Variants in WIPF1 observed in about 807,000 individuals in gnomAD.
The protein encoded by WIPF1 is WAS/WASL interacting protein family member 1.
In WIPF1, 13 loss-of-function variants were observed where a neutral mutation model predicts 35.4. The ratio of observed to expected loss-of-function variants is 0.37; its 90% CI spans 0.24 to 0.58. The LOEUF (loss-of-function observed/expected upper bound fraction) is 0.58, where lower values mean the gene tolerates loss of function less well. Ranked by LOEUF, WIPF1 falls within the 20% of genes least tolerant of loss-of-function variation. WIPF1 has a pLI of 0.74. For synonymous variants in WIPF1, 267 were observed against 266.3 expected, an observed-to-expected ratio of 1.00 and a Z score of -0.02; for missense variants, 591 against 667.0, an observed-to-expected ratio of 0.89 and a Z score of 1.25.
At chr2:174,666,338 G>A (rs981360035) in intron 1 of WIPF1, among the ~76,000 whole-genome samples, 1 of 152,170 alleles carries the variant, frequency 6.6e-6, no homozygotes, top group African/African-American at 2.4e-5. Flanking sequence ...CCAGCCCCAG[G>A]AATCTATACA....
intron 1 of WIPF1, among the ~76,000 whole-genome samples, chr2:174,594,467 G>T (rs1685731190): frequency 6.6e-6 from 1 of 152,188 alleles, no homozygotes; most frequent in South Asian, 2.1e-4. Flanking sequence ...GTGAGAAAAT[G>T]AAGGTGAGCT....
chr2:174,603,210 G>A (rs1686059452), intron 1 of WIPF1, among the ~76,000 whole-genome samples: 1 of 152,188 alleles, frequency 6.6e-6, no homozygotes, highest in African/African-American at 2.4e-5. Context: ...TGGTGTTGTT[G>A]GTTGAGCCCT....
At chr2:174,662,553 A>C (rs1271346075) in intron 1 of WIPF1, among the ~76,000 whole-genome samples, 1 of 152,268 alleles carries the variant, frequency 6.6e-6, no homozygotes, top group Non-Finnish European at 1.5e-5. Flanking sequence ...CCAACCAAGT[A>C]GAGCTAATCT....
chr2:174,625,658 A>G (rs1686809364), intron 1 of WIPF1: 1 of 152,206 alleles, frequency 6.6e-6, no homozygotes, highest in Non-Finnish European at 1.5e-5. Flanking sequence ...GGGAAAGATT[A>G]ATTCAAAACT....
At chr2:174,585,007 G>C (rs1040900774) in intron 2 of WIPF1, among the ~76,000 whole-genome samples, 1 of 152,314 alleles carries the variant, frequency 6.6e-6, no homozygotes, top group Admixed American at 6.5e-5. Context: ...GGATGTGAAT[G>C]TGTATGGCAG....
intron 1 of WIPF1, among the ~76,000 whole-genome samples, chr2:174,633,256 T>C (rs990628008): frequency 3.9e-5 from 6 of 152,236 alleles, no homozygotes; most frequent in Non-Finnish European, 8.8e-5. Flanking sequence ...TTCTCTTTCA[T>C]CACTGTTCTA....
At chr2:174,645,181 C>A (rs1326042638) in intron 1 of WIPF1, among the ~76,000 whole-genome samples, 1 of 152,058 alleles carries the variant, frequency 6.6e-6, no homozygotes, top group Non-Finnish European at 1.5e-5. Flanking sequence ...TTAAAAAAAT[C>A]AATTTAGCTT....
intron 1 of WIPF1, among the ~76,000 whole-genome samples, chr2:174,658,193 G>A (rs140062272): frequency 0.019 from 2,922 of 152,220 alleles, 48 homozygotes; most frequent in Non-Finnish European, 0.03. Context: ...CCTAGGAGCA[G>A]CGGGTTTCTG....
At chr2:174,679,677 C>T in intron 1 of WIPF1, among the ~76,000 whole-genome samples, 1 of 152,118 alleles carries the variant, frequency 6.6e-6, no homozygotes, top group East Asian at 1.9e-4. Context: ...TAAGGATTAG[C>T]ATACTAGTTA....
At chr2:174,660,171 A>C (rs988488875) in intron 1 of WIPF1, among the ~76,000 whole-genome samples, 2 of 152,198 alleles carry the variant, frequency 1.3e-5, no homozygotes, top group Non-Finnish European at 2.9e-5. Flanking sequence ...TTCTGTGGCT[A>C]TCAGGATTAG....
chr2:174,567,834 GC>G, intron 6 of WIPF1, 26 bp downstream of exon 6: 1 of 1,535,678 alleles, frequency 6.5e-7, no homozygotes, highest in Non-Finnish European at 8.8e-7. Context: ...CTGCCCTATA[GC>G]CCAGGGAGCT....
At chr2:174,614,801 A>G (rs1378949841) in intron 1 of WIPF1, among the ~76,000 whole-genome samples, 1 of 152,246 alleles carries the variant, frequency 6.6e-6, no homozygotes, top group African/African-American at 2.4e-5. Context: ...TTGTGGAGGT[A>G]CATCTTACTC....
At chr2:174,566,360 A>G (rs1449114994) in intron 7 of WIPF1, 1 of 152,250 alleles carries the variant, frequency 6.6e-6, no homozygotes, top group Non-Finnish European at 1.5e-5. Flanking sequence ...AGGAAAAGCA[A>G]TTTAGTTCTT....
At chr2:174,603,053 G>A (rs1686055560) in intron 1 of WIPF1, among the ~76,000 whole-genome samples, 2 of 152,178 alleles carry the variant, frequency 1.3e-5, no homozygotes, top group South Asian at 4.1e-4. Context: ...TGTAGGCTGA[G>A]GCGAGCTCTA....
chr2:174,559,835 C>T lies in WIPF1; in HGVS notation c.*2712G>A, dbSNP rs1485037027. On this transcript the variant is annotated 3_prime_UTR_variant, in exon 8 of 8. Transcript: ENST00000679041. ...CTAAAATAACAAAACTGGTATTACA[C>T]TTTAAAATATAAAGACCTAACAGTT... 1 of 152,598 alleles carries T rather than the reference C, an allele frequency of 6.6e-6. No homozygotes were observed. The highest frequency in any genetic ancestry group is 1.5e-5 in the Non-Finnish European group (1 of 68,018). 9.5% of individuals were successfully genotyped at this position (152,598 alleles called of 1,614,324 possible).
chr2:174,654,796 C>T (rs142168867), intron 1 of WIPF1, among the ~76,000 whole-genome samples: 163 of 152,238 alleles, frequency 1.1e-3, no homozygotes, highest in African/African-American at 3.3e-3. Context: ...AACCCACCAA[C>T]CCCAGTCCTG....
chr2:174,592,025 C>T (rs1020304542), intron 1 of WIPF1, among the ~76,000 whole-genome samples: 4 of 152,206 alleles, frequency 2.6e-5, no homozygotes, highest in Non-Finnish European at 5.9e-5. Flanking sequence ...AGACGTGCCC[C>T]AGGAAACTCA....
rs1291289360 is a variant in WIPF1, at chr2:174,571,645, T to C, written c.1129+31A>G. 6.2e-7 allele frequency: 1 copy of C among 1,614,104 alleles called. No homozygotes were observed. The highest frequency in any genetic ancestry group is 2.2e-5 in the East Asian group (1 of 44,884). Reference sequence around the variant, plus strand: ...TGGTACATTTGGGCAGGCTGGGTTTTGGAAGCAACTCACTCCACGTCTTGT... The same window carrying C: ...TGGTACATTTGGGCAGGCTGGGTTTCGGAAGCAACTCACTCCACGTCTTGT... On this transcript the variant is annotated intron_variant, in intron 5 of 7. Coordinates refer to ENST00000679041, the MANE Select transcript of WIPF1 (RefSeq NM_001375834.1). The surrounding 1 kb of genome is among the most constrained non-coding windows in gnomAD (Gnocchi z 4.6).
rs7739 is a variant in WIPF1, at chr2:174,559,701, G to A, written c.*2846C>T. ...AATGTGTCTGTTTACATAGTGCATGGTATGAAAAAAAAGTTTTTCTTCCTC... is the reference window on the plus strand; with the variant it reads ...AATGTGTCTGTTTACATAGTGCATGATATGAAAAAAAAGTTTTTCTTCCTC... On this transcript the variant is annotated 3_prime_UTR_variant, in exon 8 of 8. Coordinates refer to ENST00000679041, the MANE Select transcript of WIPF1 (RefSeq NM_001375834.1). The A allele has an allele frequency of 0.91, 139,430 of 152,514 alleles. 63,914 individuals carry two copies. Among genetic ancestry groups the A allele is most frequent in the East Asian group, 0.95 (4,943 of 5,180 alleles). 9.4% of individuals were successfully genotyped at this position (152,514 alleles called of 1,614,324 possible). A position where few individuals can be genotyped will look rare whatever the true frequency, so the allele number is the denominator to read the frequency against.
Sources: gnomAD v4.1 joint callset for allele counts (sites outside exome capture counted in the v4.1 genomes callset) on GRCh38, gnomAD v4.1.1 for gene constraint, Gnocchi (gnomAD v3.1) non-coding constraint, MANE v1.5 for transcripts, NCBI Gene and HGNC (gene_info 2026-07-23, HGNC 2026-07-21) for gene names.